Variants in CPNE8 observed in about 807,000 individuals in gnomAD.
CPNE8 encodes the protein copine 8, also known as copine-8.
A neutral mutation model predicts 81.5 loss-of-function variants in CPNE8; 45 were observed. The observed-to-expected ratio is 0.55, with a 90% CI of 0.44 to 0.71. The LOEUF (loss-of-function observed/expected upper bound fraction) is 0.71, where lower values mean the gene tolerates loss of function less well. Among genes scored for constraint, CPNE8 ranks in the 30% least tolerant of loss-of-function variants. CPNE8 has a pLI of 0.00. For missense variants in CPNE8, 594 were observed against 672.1 expected, an observed-to-expected ratio of 0.88 and a Z score of 1.28; for synonymous variants, 252 against 226.3, an observed-to-expected ratio of 1.11 and a Z score of -1.02.
intron 9 of CPNE8, 81 bp from the exon 10 acceptor site, chr12:38,760,969 T>A (rs2136849471): frequency 9.0e-7 from 1 of 1,107,000 alleles, no homozygotes; most frequent in Non-Finnish European, 1.3e-6. Context: ...AAATAAGTTG[T>A]TTTTCTTAGA....
At chr12:38,676,617 G>A (rs1044001982) in intron 17 of CPNE8, among the ~76,000 whole-genome samples, 2 of 152,130 alleles carry the variant, frequency 1.3e-5, no homozygotes, top group Non-Finnish European at 2.9e-5. Context: ...AAATATCCTT[G>A]AGATTTTGAG....
chr12:38,711,559 C>A (rs1369621772), intron 13 of CPNE8, among the ~76,000 whole-genome samples: 1 of 151,866 alleles, frequency 6.6e-6, no homozygotes, highest in Non-Finnish European at 1.5e-5. Context: ...ACCTCCGCCT[C>A]CTGGGATCAA....
intron 6 of CPNE8, among the ~76,000 whole-genome samples, chr12:38,795,201 G>C (rs557881750): frequency 6.6e-6 from 1 of 152,130 alleles, no homozygotes; most frequent in Non-Finnish European, 1.5e-5. Flanking sequence ...ACCACTTATC[G>C]TGCAACTTCA....
chr12:38,823,839 C>T (rs751662045), intron 6 of CPNE8, among the ~76,000 whole-genome samples: 4 of 152,186 alleles, frequency 2.6e-5, no homozygotes, highest in Non-Finnish European at 5.9e-5. Context: ...AGACATACGA[C>T]TCTTTGACAG....
intron 6 of CPNE8, among the ~76,000 whole-genome samples, chr12:38,815,515 G>A (rs1016309799): frequency 6.6e-5 from 10 of 152,132 alleles, no homozygotes; most frequent in African/African-American, 2.2e-4. Context: ...ATTTAAAGCA[G>A]ATGCATTTAT....
At chr12:38,754,569 A>C (rs1218266384) in intron 10 of CPNE8, among the ~76,000 whole-genome samples, 1 of 151,956 alleles carries the variant, frequency 6.6e-6, no homozygotes, top group African/African-American at 2.4e-5. Flanking sequence ...ATTTCTATTG[A>C]GTCATAAATA....
At chr12:38,872,004 G>A (rs1335138899) in intron 3 of CPNE8, among the ~76,000 whole-genome samples, 5 of 152,076 alleles carry the variant, frequency 3.3e-5, no homozygotes, top group East Asian at 1.9e-4. Flanking sequence ...GCATGGTGGC[G>A]CATGCCTGTA....
chr12:38,803,376 C>T (rs1942733143), intron 6 of CPNE8, among the ~76,000 whole-genome samples: 1 of 145,110 alleles, frequency 6.9e-6, no homozygotes, highest in African/African-American at 2.5e-5. Context: ...TAAATGTAAT[C>T]CAGCATATAA....
intron 6 of CPNE8, among the ~76,000 whole-genome samples, chr12:38,780,618 G>A (rs189244551): frequency 1.6e-4 from 24 of 152,110 alleles, no homozygotes; most frequent in Middle Eastern, 3.4e-3. Context: ...ACAGATGATC[G>A]ACAAAGATAT....
At chr12:38,708,996 A>C (rs1235315006) in intron 13 of CPNE8, among the ~76,000 whole-genome samples, 1 of 152,214 alleles carries the variant, frequency 6.6e-6, no homozygotes, top group Non-Finnish European at 1.5e-5. Flanking sequence ...TCTTTAAATT[A>C]ATCTTGACAA....
intron 10 of CPNE8, 97 bp downstream of exon 10, chr12:38,760,750 C>T (rs902080837): frequency 2.2e-6 from 2 of 922,450 alleles, no homozygotes; most frequent in Admixed American, 2.1e-5. Flanking sequence ...AACAAATATG[C>T]CATCTAAAAA....
chr12:38,864,520 T>G (rs1174005508), intron 3 of CPNE8, among the ~76,000 whole-genome samples: 2 of 152,028 alleles, frequency 1.3e-5, no homozygotes, highest in Admixed American at 1.3e-4. Context: ...TAAAACAGTA[T>G]GGTATTACAC....
intron 16 of CPNE8, among the ~76,000 whole-genome samples, chr12:38,681,162 A>C (rs960042101): frequency 2.0e-5 from 3 of 152,048 alleles, no homozygotes; most frequent in Non-Finnish European, 4.4e-5. Flanking sequence ...CAACAAATTA[A>C]ATTTATTTCA....
intron 5 of CPNE8, among the ~76,000 whole-genome samples, chr12:38,837,297 G>T (rs899247899): frequency 6.6e-6 from 1 of 152,094 alleles, no homozygotes; most frequent in Non-Finnish European, 1.5e-5. Flanking sequence ...CTGTGTTGAT[G>T]AATTATTCTC....
intron 6 of CPNE8, among the ~76,000 whole-genome samples, chr12:38,787,206 T>G (rs908500123): frequency 4.6e-5 from 7 of 151,992 alleles, no homozygotes; most frequent in African/African-American, 1.7e-4. Context: ...ATATTTTATG[T>G]CACAAAACAA....
chr12:38,872,898 G>C (rs1251968845), intron 3 of CPNE8, 106 bp downstream of exon 3: 4 of 683,230 alleles, frequency 5.9e-6, no homozygotes, highest in Non-Finnish European at 1.0e-5. Context: ...TCAATCTTTG[G>C]GTTCAAAAGG....
chr12:38,796,688 G>C (rs1942484220), intron 6 of CPNE8, among the ~76,000 whole-genome samples: 1 of 152,152 alleles, frequency 6.6e-6, no homozygotes, highest in South Asian at 2.1e-4. Flanking sequence ...GTGCCACACA[G>C]TGGGCGCAGG....
In CPNE8 at chr12:38,848,659, C is replaced by T. The variant is rs749823865; in HGVS notation, c.190G>A (p.Gly64Arg). ...GVGNKEWREF[G>R]RTEVIDNTLN... ...GTATTATCAATTACTTCAGTTCTTC[C>T]AAACTGTGGAAAGAGAGAGAGAATT... The change falls in exon 4 of 20, where the codon GGA becomes AGA. Residue 64 changes from glycine (G) to arginine (R), a missense_variant. Gly to Arg is a moderately radical substitution (Grantham distance 125). Transcript: ENST00000331366. 1.3e-5 allele frequency: 20 copies of T among 1,586,368 alleles called. No individual in the cohort carries two copies. Among genetic ancestry groups the T allele is most frequent in the African/African-American group, 2.7e-5 (2 of 72,858 alleles).
At chr12:38,715,176 T>A (rs1940356245) in intron 13 of CPNE8, among the ~76,000 whole-genome samples, 1 of 152,094 alleles carries the variant, frequency 6.6e-6, no homozygotes. Context: ...TCAGCAAAAT[T>A]GCTGAACAGT....
Sources: allele counts gnomAD v4.1 joint callset (sites outside exome capture counted in the v4.1 genomes callset), GRCh38; gene constraint gnomAD v4.1.1; transcripts MANE v1.5; gene names NCBI Gene and HGNC (gene_info 2026-07-23, HGNC 2026-07-21).